Variants in ELMO1 observed in about 807,000 individuals in gnomAD.
ELMO1 encodes the protein engulfment and cell motility protein 1.
ELMO1 carries 26 observed loss-of-function variants against 98.9 expected under a neutral mutation model. The ratio of observed to expected loss-of-function variants is 0.26; its 90% CI spans 0.19 to 0.36. The LOEUF (loss-of-function observed/expected upper bound fraction) is 0.36. Among genes scored for constraint, ELMO1 ranks in the 10% least tolerant of loss-of-function variants. The pLI is 1.00. For missense variants in ELMO1, 627 were observed against 935.2 expected, an observed-to-expected ratio of 0.67 and a Z score of 4.30; for synonymous variants, 346 against 346.0, an observed-to-expected ratio of 1.00 and a Z score of 0.00.
At chr7:36,893,299 T>A (rs2129054283) in intron 17 of ELMO1, among the ~76,000 whole-genome samples, 1 of 152,304 alleles carries the variant, frequency 6.6e-6, no homozygotes, top group East Asian at 1.9e-4. Context: ...AGAAACTGCA[T>A]CTCTGAGGAG....
intron 16 of ELMO1, among the ~76,000 whole-genome samples, chr7:36,899,197 A>G (rs747128754): frequency 2.6e-5 from 4 of 152,240 alleles, no homozygotes; most frequent in Non-Finnish European, 4.4e-5. Context: ...TTTGATGGCT[A>G]AAATGAAAAA....
chr7:36,900,620 C>T (rs1433450709), intron 16 of ELMO1, among the ~76,000 whole-genome samples: 2 of 152,108 alleles, frequency 1.3e-5, no homozygotes, highest in African/African-American at 2.4e-5. Context: ...GATCTACAGC[C>T]AAGTGGAGGG....
chr7:36,946,032 G>T (rs976335758), intron 16 of ELMO1, among the ~76,000 whole-genome samples: 4 of 152,216 alleles, frequency 2.6e-5, no homozygotes, highest in Admixed American at 2.0e-4. Context: ...AGGATGGGAC[G>T]TGGACAGTCT....
At chr7:36,983,984 A>C (rs964686626) in intron 16 of ELMO1, among the ~76,000 whole-genome samples, 1 of 142,162 alleles carries the variant, frequency 7.0e-6, no homozygotes, top group Non-Finnish European at 1.6e-5. Flanking sequence ...TTTTTTTTGT[A>C]AACATTTTTT....
chr7:37,344,132 A>C (rs2131267676), intron 1 of ELMO1, among the ~76,000 whole-genome samples: 1 of 148,784 alleles, frequency 6.7e-6, no homozygotes, highest in East Asian at 2.0e-4. Flanking sequence ...CCCGGGTTCA[A>C]GCGATTCTCC....
At chr7:36,942,756 T>A (rs1252829592) in intron 16 of ELMO1, among the ~76,000 whole-genome samples, 1 of 152,210 alleles carries the variant, frequency 6.6e-6, no homozygotes, top group Non-Finnish European at 1.5e-5. Context: ...GCTAATTAGA[T>A]TTAGTGCCCT....
chr7:37,353,963 G>A (rs1175460499), intron 1 of ELMO1, among the ~76,000 whole-genome samples: 1 of 152,102 alleles, frequency 6.6e-6, no homozygotes, highest in Non-Finnish European at 1.5e-5. Flanking sequence ...CTTCCCTTGG[G>A]TCTGCTTCAA....
intron 16 of ELMO1, 59 bp downstream of exon 16, chr7:37,013,240 T>C (rs950711797): frequency 5.5e-5 from 88 of 1,595,682 alleles, no homozygotes; most frequent in Non-Finnish European, 6.9e-5. Flanking sequence ...CAAGGGACCA[T>C]GCAGCAGGCC....
chr7:37,043,276 A>T (rs980043393), intron 15 of ELMO1, among the ~76,000 whole-genome samples: 11 of 152,322 alleles, frequency 7.2e-5, no homozygotes, highest in African/African-American at 2.6e-4. Context: ...CTGATGGATG[A>T]TCCTGTACTG....
At chr7:37,120,690 C>T (rs954697910) in intron 14 of ELMO1, among the ~76,000 whole-genome samples, 7 of 152,218 alleles carry the variant, frequency 4.6e-5, no homozygotes, top group African/African-American at 1.7e-4. Flanking sequence ...GTAGACTCCA[C>T]CTCTGAGGGC....
At chr7:37,059,383 G>C (rs751181110) in intron 15 of ELMO1, among the ~76,000 whole-genome samples, 15 of 152,160 alleles carry the variant, frequency 9.9e-5, no homozygotes, top group Non-Finnish European at 1.8e-4. Context: ...ATAAAAATCA[G>C]ATAACTTATC....
chr7:37,120,165 C>A (rs979081114), intron 14 of ELMO1, among the ~76,000 whole-genome samples: 1 of 152,108 alleles, frequency 6.6e-6, no homozygotes, highest in African/African-American at 2.4e-5. Flanking sequence ...GTCCAGGTTC[C>A]AAGATGGCCA....
At chr7:37,417,683 C>CACACACACACACACACACACAA (rs753914608) in intron 1 of ELMO1, among the ~76,000 whole-genome samples, 17,192 of 145,824 alleles carry the variant, frequency 0.12, 1,261 homozygotes, top group Middle Eastern at 0.21. Flanking sequence ...CACACACACA[C>CACACACACACACACACACACAA]AAGCAAAAAT....
chr7:36,902,238 CA>C (rs1783626041), intron 16 of ELMO1, among the ~76,000 whole-genome samples: 1 of 152,124 alleles, frequency 6.6e-6, no homozygotes, highest in Non-Finnish European at 1.5e-5. Flanking sequence ...TTAATAAAAG[CA>C]AAAAAGCTTC....
intron 3 of ELMO1, among the ~76,000 whole-genome samples, chr7:37,315,224 A>G (rs1799091253): frequency 6.6e-6 from 1 of 152,190 alleles, no homozygotes; most frequent in African/African-American, 2.4e-5. Context: ...TACTTATTTT[A>G]AGGGATTGAA....
chr7:37,369,768 AT>A (rs936292112), intron 1 of ELMO1, among the ~76,000 whole-genome samples: 2 of 151,850 alleles, frequency 1.3e-5, no homozygotes, highest in African/African-American at 4.8e-5. Context: ...TAACAAAAAA[AT>A]TTTAATAAAA....
intron 16 of ELMO1, among the ~76,000 whole-genome samples, chr7:36,966,621 A>G (rs1160734898): frequency 6.6e-6 from 1 of 152,236 alleles, no homozygotes; most frequent in African/African-American, 2.4e-5. Flanking sequence ...TGTTGATATT[A>G]ATATGAACTG....
intron 6 of ELMO1, among the ~76,000 whole-genome samples, chr7:37,258,841 G>A (rs937492142): frequency 1.3e-5 from 2 of 151,952 alleles, no homozygotes; most frequent in Non-Finnish European, 2.9e-5. Flanking sequence ...TTAGGGATAG[G>A]CAACGAATAT....
chr7:36,900,752 C>T (rs1806442426), intron 16 of ELMO1, among the ~76,000 whole-genome samples: 1 of 152,186 alleles, frequency 6.6e-6, no homozygotes, highest in Non-Finnish European at 1.5e-5. Context: ...TTTATCTTCA[C>T]AGTGACGAGA....
Sources: gnomAD v4.1 joint callset for allele counts (sites outside exome capture counted in the v4.1 genomes callset) on GRCh38, gnomAD v4.1.1 for gene constraint, MANE v1.5 for transcripts, NCBI Gene and HGNC (gene_info 2026-07-23, HGNC 2026-07-21) for gene names.